PPP2R2B: variants seen among roughly 807,000 people sequenced by gnomAD.
PPP2R2B encodes the protein serine/threonine-protein phosphatase 2A 55 kDa regulatory subunit B beta isoform.
PPP2R2B carries 5 observed loss-of-function variants against 46.0 expected under a neutral mutation model. The ratio of observed to expected loss-of-function variants is 0.11; its 90% CI spans 0.06 to 0.23. The LOEUF is 0.23. Ranked by LOEUF, PPP2R2B falls within the 10% of genes least tolerant of loss-of-function variation. The pLI is 1.00. For missense variants in PPP2R2B, 367 were observed against 575.0 expected, an observed-to-expected ratio of 0.64 and a Z score of 3.70; for synonymous variants, 215 against 206.7, an observed-to-expected ratio of 1.04 and a Z score of -0.34.
At chr5:147,073,778 C>T (rs1015172267) in intron 2 of PPP2R2B, among the ~76,000 whole-genome samples, 17 of 152,248 alleles carry the variant, frequency 1.1e-4, no homozygotes, top group African/African-American at 3.4e-4. Flanking sequence ...TGGTGGCTCC[C>T]GCCTGTAATA....
chr5:146,807,773 CTTCTTTTTTTTTTTTTTTTTTTT>C (rs1315661180), intron 2 of PPP2R2B, among the ~76,000 whole-genome samples: 11 of 44,054 alleles, frequency 2.5e-4, no homozygotes, highest in Non-Finnish European at 5.5e-4. Context: ...CCTGGGGTGC[CTTCTTTTTTTTTTTTTTTTTTTT>C]TTTTTTTTTT....
intron 1 of PPP2R2B, among the ~76,000 whole-genome samples, chr5:146,982,933 G>C (rs1753240904): frequency 1.3e-5 from 2 of 151,878 alleles, no homozygotes. Flanking sequence ...TTTGAAGTGA[G>C]TTTCTTATAG....
At chr5:146,821,055 C>T (rs981910132) in intron 2 of PPP2R2B, among the ~76,000 whole-genome samples, 2 of 152,120 alleles carry the variant, frequency 1.3e-5, no homozygotes, top group African/African-American at 2.4e-5. Flanking sequence ...TACATTCAGC[C>T]ACACCCTGGC....
At chr5:146,787,470 T>G (rs543299814) in intron 2 of PPP2R2B, among the ~76,000 whole-genome samples, 18 of 152,302 alleles carry the variant, frequency 1.2e-4, no homozygotes, top group Admixed American at 5.9e-4. Context: ...GTTCAGATCT[T>G]GGGCCACCAG....
intron 1 of PPP2R2B, among the ~76,000 whole-genome samples, chr5:146,960,739 T>C (rs1008401543): frequency 2.6e-5 from 4 of 152,164 alleles, no homozygotes; most frequent in African/African-American, 9.7e-5. Flanking sequence ...CCGTAGATCC[T>C]AGATGACAGA....
chr5:146,819,080 C>G (rs1398054638), intron 2 of PPP2R2B, among the ~76,000 whole-genome samples: 2 of 152,152 alleles, frequency 1.3e-5, no homozygotes, highest in Non-Finnish European at 2.9e-5. Context: ...TTCTCGGGCA[C>G]AAAATCTCCA....
At chr5:146,752,014 C>A (rs1326401434) in intron 2 of PPP2R2B, among the ~76,000 whole-genome samples, 1 of 152,072 alleles carries the variant, frequency 6.6e-6, no homozygotes, top group Non-Finnish European at 1.5e-5. Flanking sequence ...TTGGTTAGCA[C>A]TGTGGCTTTT....
Position 146,633,845 on chromosome 5 carries a change from G to A in PPP2R2B, c.790+4406C>T, listed in dbSNP as rs370391398. 3.8e-3 allele frequency among the ~76,000 whole-genome samples: 582 copies of A among 152,276 alleles called. 4 individuals carry two copies. Among genetic ancestry groups the A allele is most frequent in the South Asian group, 0.016 (78 of 4,818 alleles). Reference sequence around the variant, plus strand: ...CATGATTCTTCCCTGGGCTCTCCCCGTCTGCTTCTCCATCCTTAGGTCTCA... The same window carrying A: ...CATGATTCTTCCCTGGGCTCTCCCCATCTGCTTCTCCATCCTTAGGTCTCA... On this transcript the variant is annotated intron_variant, in intron 7 of 9. Transcript: ENST00000394411.
chr5:146,600,088 T>C (rs1321741510), intron 8 of PPP2R2B, among the ~76,000 whole-genome samples: 1 of 152,232 alleles, frequency 6.6e-6, no homozygotes, highest in Non-Finnish European at 1.5e-5. Flanking sequence ...GCTCTGTCCA[T>C]ATCAATTAAA....
At chr5:147,051,371 G>T (rs559706353) in intron 1 of PPP2R2B, among the ~76,000 whole-genome samples, 2 of 152,290 alleles carry the variant, frequency 1.3e-5, no homozygotes, top group East Asian at 3.9e-4. Flanking sequence ...TTAGCACACA[G>T]CCAGTGGTCC....
intron 1 of PPP2R2B, among the ~76,000 whole-genome samples, chr5:146,924,719 G>T (rs1561521896): frequency 6.6e-6 from 1 of 152,004 alleles, no homozygotes; most frequent in Non-Finnish European, 1.5e-5. Flanking sequence ...TTTTCATTTT[G>T]CTTTGTGTCC....
At chr5:146,600,264 T>C (rs778018057) in intron 8 of PPP2R2B, 27 bp downstream of exon 8, 6 of 1,605,932 alleles carry the variant, frequency 3.7e-6, no homozygotes, top group Admixed American at 1.7e-5. Context: ...ATGTTCAATA[T>C]ACCTATGGGT....
chr5:146,879,682 C>T (rs1762099686), upstream of PPP2R2B, among the ~76,000 whole-genome samples: 1 of 152,104 alleles, frequency 6.6e-6, no homozygotes, highest in Non-Finnish European at 1.5e-5. Context: ...CATGTTTTCC[C>T]AAATTTCAAA....
At chr5:147,065,138 G>C (rs1412516520) in intron 2 of PPP2R2B, among the ~76,000 whole-genome samples, 1 of 152,156 alleles carries the variant, frequency 6.6e-6, no homozygotes, top group Non-Finnish European at 1.5e-5. Flanking sequence ...TGGACTAGTA[G>C]AGAAAACATA....
chr5:146,991,580 ATGT>A (rs2151862024), intron 1 of PPP2R2B, among the ~76,000 whole-genome samples: 1 of 152,312 alleles, frequency 6.6e-6, no homozygotes, highest in African/African-American at 2.4e-5. Context: ...AAGATTTTGA[ATGT>A]TGTCACCACA....
chr5:146,685,177 T>C (rs752907453), intron 5 of PPP2R2B, among the ~76,000 whole-genome samples: 1 of 151,416 alleles, frequency 6.6e-6, no homozygotes, highest in Non-Finnish European at 1.5e-5. Flanking sequence ...TCAAGTGCCA[T>C]GCCATAAATA....
At chr5:146,898,396 G>A (rs1268771423) in intron 1 of PPP2R2B, among the ~76,000 whole-genome samples, 1 of 152,100 alleles carries the variant, frequency 6.6e-6, no homozygotes, top group Non-Finnish European at 1.5e-5. Context: ...TTTAATAAAT[G>A]GTGCTGGGAA....
intron 2 of PPP2R2B, among the ~76,000 whole-genome samples, chr5:146,863,382 T>C (rs1761120234): frequency 2.0e-5 from 3 of 152,172 alleles, no homozygotes. Context: ...ATCTTCTCCT[T>C]TTAAACTGGC....
At chr5:147,055,541 A>G in intron 1 of PPP2R2B, 1 of 819,210 alleles carries the variant, frequency 1.2e-6, no homozygotes, top group South Asian at 1.6e-5. Context: ...GTTGGATACA[A>G]GCTTTTGCCA....
Sources: allele counts gnomAD v4.1 joint callset (sites outside exome capture counted in the v4.1 genomes callset), GRCh38; gene constraint gnomAD v4.1.1; transcripts MANE v1.5; gene names NCBI Gene and HGNC (gene_info 2026-07-23, HGNC 2026-07-21).